The following SEPTIN4 variants were observed in gnomAD, a reference collection of about 807,000 sequenced individuals.
SEPTIN4 encodes the protein septin 4.
A neutral mutation model predicts 107.1 loss-of-function variants in SEPTIN4; 52 were observed. The ratio of observed to expected loss-of-function variants is 0.49; its 90% CI spans 0.39 to 0.61. SEPTIN4 has a LOEUF of 0.61. Among genes scored for constraint, SEPTIN4 ranks in the 20% least tolerant of loss-of-function variants. The pLI is 0.00. For missense variants in SEPTIN4, 1,048 were observed against 1,243.5 expected (o/e 0.84, Z 2.36); for synonymous variants, 417 against 467.0 (o/e 0.89, Z 1.38).
At chr17:58,525,045 G>A in intron 7 of SEPTIN4, 33 bp downstream of exon 7, 2 of 1,613,712 alleles carry the variant, frequency 1.2e-6, no homozygotes, top group Non-Finnish European at 1.7e-6. Flanking sequence ...GGGTGGCTCA[G>A]GGGCAGCTGG....
chr17:58,540,638 G>C, intron 3 of SEPTIN4, 28 bp downstream of exon 3: 1 of 1,348,506 alleles, frequency 7.4e-7, no homozygotes, highest in Non-Finnish European at 9.5e-7. Flanking sequence ...CAGGAAGACT[G>C]GGAGTAACCT....
intron 3 of SEPTIN4, chr17:58,531,941 C>T: frequency 2.6e-6 from 3 of 1,146,554 alleles, no homozygotes; most frequent in Non-Finnish European, 3.2e-6. Context: ...CGCGCCCGCC[C>T]GCCTGCCTGC....
Position 58,542,801 on chromosome 17 carries a change from A to T in SEPTIN4, c.1386T>A (p.Phe462Leu). 1 of 1,614,168 alleles carries T rather than the reference A, an allele frequency of 6.2e-7. No homozygotes were observed. Among genetic ancestry groups the T allele is most frequent in the Non-Finnish European group, 8.5e-7 (1 of 1,180,030 alleles). The change falls in exon 1 of 14, where the codon TTT (phenylalanine) becomes TTA (leucine). Residue 462 changes from phenylalanine to leucine, a missense_variant. Transcript: ENST00000672673. The part of the protein sequence containing the change: ...SPSLDLLLSG[F>L]KIDSSPFCED... Reference sequence around the variant, plus strand: ...CACAGAAAGGGCTAGAGTCTATTTTAAAACCGGACAATAAAAGATCTAGGG... The same window carrying T: ...CACAGAAAGGGCTAGAGTCTATTTTTAAACCGGACAATAAAAGATCTAGGG...
chr17:58,531,898 G>A, intron 3 of SEPTIN4: 1 of 1,122,468 alleles, frequency 8.9e-7, no homozygotes, highest in South Asian at 4.3e-5. Flanking sequence ...AGCCGCCCGG[G>A]AGCGACCGGC....
At chr17:58,523,188 A>T (rs989265981) in intron 7 of SEPTIN4, among the ~76,000 whole-genome samples, 1 of 152,110 alleles carries the variant, frequency 6.6e-6, no homozygotes, top group Non-Finnish European at 1.5e-5. Flanking sequence ...ACTGGGCAAC[A>T]TAGCGAGACC....
At chr17:58,540,726 C>A in intron 2 of SEPTIN4, 53 bp from the exon 3 acceptor site, 1 of 1,321,286 alleles carries the variant, frequency 7.6e-7, no homozygotes, top group Non-Finnish European at 9.6e-7. Context: ...AAATGGAATT[C>A]AGAGAGTGCC....
Position 58,543,944 on chromosome 17 carries a change from T to A in SEPTIN4, c.243A>T (p.Ala81=), listed in dbSNP as rs779946783. 5 of 1,614,064 alleles carry A rather than the reference T, an allele frequency of 3.1e-6. No individual in the cohort carries two copies. In the Admixed American group the frequency reaches 8.3e-5, roughly 27 times the overall value. ...VSLQSGPGHY[A]VPTPRGPETG... ...TCTCGGGTCCCCGAGGAGTGGGTAC[T>A]GCATAGTGTCCAGGTCCTGACTGGA... Residue 81 remains alanine, a synonymous_variant, in exon 1 of 14, where the codon GCA becomes GCT. Coordinates refer to ENST00000672673, the MANE Select transcript of SEPTIN4 (RefSeq NM_001368771.2).
At chr17:58,539,032 G>T in intron 3 of SEPTIN4, 1 of 897,910 alleles carries the variant, frequency 1.1e-6, no homozygotes, top group East Asian at 2.9e-5. Flanking sequence ...ATGGGGCCAT[G>T]CCGGCTGAGG....
chr17:58,526,211 CTTT>C lies in SEPTIN4; in HGVS notation c.2005+6_2005+8del, dbSNP rs761782271. 10 of 1,583,412 alleles carry C rather than the reference CTTT, an allele frequency of 6.3e-6. No homozygotes were observed. Among genetic ancestry groups the C allele is most frequent in the Non-Finnish European group, 8.6e-6 (10 of 1,165,524 alleles). Reference sequence around the variant, plus strand: ...CACCCTGCCCAACCCAGCCCTGCCCCTTTTTTACCTGCCACCATGAGGGTAAAG... The same window carrying C: ...CACCCTGCCCAACCCAGCCCTGCCCCTTTACCTGCCACCATGAGGGTAAAG... On this transcript the variant is annotated splice_donor_region_variant and intron_variant, in intron 5 of 13. Coordinates refer to ENST00000672673, the MANE Select transcript of SEPTIN4 (RefSeq NM_001368771.2).
chr17:58,526,356 AG>A lies in SEPTIN4; in HGVS notation c.1912-44del, dbSNP rs1169219988. On this transcript the variant is annotated intron_variant, in intron 4 of 13. Transcript: ENST00000672673. ...AGAATGCATCACGGTGAGGAGCCAA[AG>A]GGGCCCCGGCACCCAGCGCCAATCT... 2.0e-6 allele frequency: 3 copies of A among 1,472,452 alleles called. No individual in the cohort carries two copies. The Admixed American group carries it at 7.3e-5, about 36-fold the overall frequency. 91.2% of individuals were successfully genotyped at this position (1,472,452 alleles called of 1,614,324 possible). A position where few individuals can be genotyped will look rare whatever the true frequency, so the allele number is the denominator to read the frequency against.
At chr17:58,529,817 T>C (rs1298011584) in intron 3 of SEPTIN4, 3 of 134,742 alleles carry the variant, frequency 2.2e-5, no homozygotes, top group African/African-American at 8.5e-5. Flanking sequence ...TTTTTTTTTT[T>C]CCTGTGAGGA....
intron 3 of SEPTIN4, chr17:58,528,078 C>T (rs940203791): frequency 9.2e-6 from 9 of 974,284 alleles, no homozygotes; most frequent in South Asian, 4.7e-5. Flanking sequence ...ACAATACCCA[C>T]GTGCCACCCC....
intron 7 of SEPTIN4, chr17:58,524,790 ACT>A (rs997767314): frequency 1.1e-5 from 3 of 278,630 alleles, no homozygotes; most frequent in Non-Finnish European, 2.1e-5. Flanking sequence ...CTGGCCTTGA[ACT>A]CCTGGCCTCA....
intron 3 of SEPTIN4, chr17:58,539,299 C>A: frequency 1.3e-6 from 1 of 747,648 alleles, no homozygotes; most frequent in Non-Finnish European, 2.1e-6. Flanking sequence ...ACAAGATGCA[C>A]AGAAAAAGGG....
chr17:58,536,098 C>T (rs534208198), intron 3 of SEPTIN4, among the ~76,000 whole-genome samples: 15 of 152,162 alleles, frequency 9.9e-5, no homozygotes, highest in East Asian at 1.9e-4. Flanking sequence ...TCCAGGGAGA[C>T]GTGGCTATAG....
At chr17:58,542,003 CTG>C in intron 1 of SEPTIN4, 37 bp from the exon 2 acceptor site, 1 of 1,604,520 alleles carries the variant, frequency 6.2e-7, no homozygotes, top group Non-Finnish European at 8.5e-7. Flanking sequence ...TTTCTTCTCT[CTG>C]TGGGATGCAC....
rs572555425 is a variant in SEPTIN4 at position 58,521,460 on chromosome 17, C to G, written c.2571+85G>C. 12 of 1,567,414 alleles carry G rather than the reference C, an allele frequency of 7.7e-6. No individual in the cohort carries two copies. The highest frequency in any genetic ancestry group is 1.1e-5 in the Non-Finnish European group (12 of 1,138,328). ...CTAGGAAGCCAGGGTCCTTTCCCAC[C>G]CTGATAGCCTGAATATAGAATTCTA... is the stretch of plus-strand genomic sequence containing the variant. On this transcript the variant is annotated intron_variant, in intron 10 of 13. Coordinates refer to ENST00000672673, the MANE Select transcript of SEPTIN4 (RefSeq NM_001368771.2). The surrounding 1 kb of genome is among the most constrained non-coding windows in gnomAD (Gnocchi z 6.4).
At chr17:58,524,681 C>T (rs968002540) in intron 7 of SEPTIN4, 2 of 161,098 alleles carry the variant, frequency 1.2e-5, no homozygotes, top group South Asian at 1.7e-4. Flanking sequence ...ATTCTCCTGC[C>T]TCACCCTCCC....
At chr17:58,526,463 G>T in intron 4 of SEPTIN4, 150 bp from the exon 5 acceptor site, 1 of 1,388,642 alleles carries the variant, frequency 7.2e-7, no homozygotes, top group Non-Finnish European at 9.3e-7. Flanking sequence ...GCCACCAGCT[G>T]GGCCTCCTGC....
Sources: gnomAD v4.1 joint callset for allele counts (sites outside exome capture counted in the v4.1 genomes callset) on GRCh38, gnomAD v4.1.1 for gene constraint, Gnocchi (gnomAD v3.1) non-coding constraint, MANE v1.5 for transcripts, NCBI Gene and HGNC (gene_info 2026-07-23, HGNC 2026-07-21) for gene names.